IQCE: variants seen among roughly 807,000 people sequenced by gnomAD.
The protein encoded by IQCE is IQ domain-containing protein E.
IQCE carries 115 observed loss-of-function variants against 96.0 expected under a neutral mutation model. The ratio of observed to expected loss-of-function variants is 1.20; its 90% CI spans 1.03 to 1.40. The LOEUF (loss-of-function observed/expected upper bound fraction) is 1.40, where lower values mean the gene tolerates loss of function less well. IQCE is among the 40% of genes most tolerant of loss of function. The pLI, the probability that IQCE is intolerant of heterozygous loss-of-function variation, is 0.00. For missense variants in IQCE, 1,041 were observed against 909.1 expected, an observed-to-expected ratio of 1.15 and a Z score of -1.87; for synonymous variants, 412 against 371.2, an observed-to-expected ratio of 1.11 and a Z score of -1.26.
intron 16 of IQCE, chr7:2,598,231 T>C (rs1403229021): frequency 2.4e-6 from 1 of 417,812 alleles, no homozygotes; most frequent in East Asian, 3.6e-5. Context: ...TAAGGGAGTT[T>C]AATGAGAAGC....
chr7:2,606,522 AGAGAC>A (rs948868010), intron 20 of IQCE, among the ~76,000 whole-genome samples: 5 of 152,098 alleles, frequency 3.3e-5, no homozygotes, highest in Non-Finnish European at 1.5e-5. Flanking sequence ...AGTAAGGGGA[AGAGAC>A]GGCCCCGCTC....
chr7:2,581,008 TA>T (rs1177214646), intron 8 of IQCE, among the ~76,000 whole-genome samples: 2 of 151,300 alleles, frequency 1.3e-5, no homozygotes, highest in Non-Finnish European at 3.0e-5. Context: ...CATGCCCGGC[TA>T]ATTTTTTGTA....
At chr7:2,588,885 C>T (rs1221845600) in intron 13 of IQCE, among the ~76,000 whole-genome samples, 13 of 151,380 alleles carry the variant, frequency 8.6e-5, no homozygotes, top group African/African-American at 2.9e-4. Context: ...AGACTGGTCT[C>T]GAACTCCTGA....
At position 2,604,789 on chromosome 7, in the gene IQCE, C is replaced by T. The variant is rs1047086053; in HGVS notation, c.1633-92C>T. The T allele has an allele frequency of 6.4e-5, 53 of 824,850 alleles. 1 individual carries two copies. The highest frequency in any genetic ancestry group is 3.5e-4 in the African/African-American group (21 of 59,324). The allele number at this position is 824,850 out of a possible 1,614,324, so 51.1% of individuals were successfully genotyped here. On this transcript the variant is annotated intron_variant, in intron 18 of 21. Transcript: ENST00000402050. ...TGAAGGGAGTCACGTTCCCTGCTGC[C>T]GTGGCAGCTCTCTCCTCGGCGCCTC...
rs767616149 is a variant in IQCE, at chr7:2,610,115, G to A, written c.2041G>A (p.Asp681Asn). 7 of 1,613,192 alleles carry A rather than the reference G, an allele frequency of 4.3e-6. No individual in the cohort carries two copies. Among genetic ancestry groups the A allele is most frequent in the South Asian group, 2.2e-5 (2 of 91,074 alleles). The change falls in exon 22 of 22, where the codon GAT becomes AAT. Residue 681 changes from aspartate (D) to asparagine (N), a missense_variant. Coordinates refer to ENST00000402050, the MANE Select transcript of IQCE (RefSeq NM_152558.5). ...TGACGTCAACTCCGATGATTCCGAC[G>A]ATATTGTCATTGCACCGTCTCTGCC... ...GDDVNSDDSD[D>N]IVIAPSLPTK...
In IQCE at chr7:2,559,226, G is replaced by T. The variant is rs1780728860; in HGVS notation, c.36+9G>T. 4.9e-6 allele frequency: 6 copies of T among 1,212,844 alleles called. No individual in the cohort carries two copies. The highest frequency in any genetic ancestry group is 3.3e-5 in the East Asian group (1 of 29,988). The allele number at this position is 1,212,844 out of a possible 1,614,324, so 75.1% of individuals were successfully genotyped here. A position where few individuals can be genotyped will look rare whatever the true frequency, so the allele number is the denominator to read the frequency against. On this transcript the variant is annotated intron_variant, in intron 1 of 21. Coordinates refer to ENST00000402050, the MANE Select transcript of IQCE (RefSeq NM_152558.5). ...AGCCGGCCTTGGACACGGTAAGAACGGGCGAGGGGGCGACGCCGGGCGGGC... is the reference window on the plus strand; with the variant it reads ...AGCCGGCCTTGGACACGGTAAGAACTGGCGAGGGGGCGACGCCGGGCGGGC...
At chr7:2,609,682 AGT>A (rs1253775750) in intron 21 of IQCE, among the ~76,000 whole-genome samples, 1 of 150,740 alleles carries the variant, frequency 6.6e-6, no homozygotes, top group African/African-American at 2.5e-5. Context: ...GAGGCTGGAG[AGT>A]GAGGCTTTCT....
At chr7:2,598,395 G>A in intron 16 of IQCE, 70 bp from the exon 17 acceptor site, 1 of 1,429,276 alleles carries the variant, frequency 7.0e-7, no homozygotes. Flanking sequence ...GTAATATCCT[G>A]TCCCCTTGCC....
At chr7:2,581,778 C>T (rs1446906755) in intron 8 of IQCE, among the ~76,000 whole-genome samples, 2 of 150,400 alleles carry the variant, frequency 1.3e-5, no homozygotes, top group African/African-American at 2.4e-5. Flanking sequence ...GGCGCAATCT[C>T]GGCTCACTGC....
rs1583525123 is a variant in IQCE at position 2,607,209 on chromosome 7, T to C, written c.1951T>C (p.Phe651Leu). 2 of 1,613,306 alleles carry C rather than the reference T, an allele frequency of 1.2e-6. No individual in the cohort carries two copies. Among genetic ancestry groups the C allele is most frequent in the Non-Finnish European group, 8.5e-7 (1 of 1,179,568 alleles). Residue 651 changes from phenylalanine to leucine, a missense_variant, in exon 21 of 22, where the codon TTC becomes CTC. By Grantham distance (22) the Phe-to-Leu change is conservative. Transcript: ENST00000402050. The stretch of plus-strand genomic sequence containing the variant: ...ACACGGGGACGCCTCCTCCCCACCC[T>C]TCCTCGCAGCTCTTCCTGGTAATTT... ...ATHGDASSPP[F>L]LAALPDPSPS... is the part of the protein sequence containing the mutation.
Position 2,568,637 on chromosome 7 carries a change from C to T in IQCE, c.85-317C>T, listed in dbSNP as rs181031766. ...GCGCTGGGCTCCCAGGCTGGCTGTGCGGGCGGTTTGGGTGGGGGCAGATCC... is the reference window on the plus strand; with the variant it reads ...GCGCTGGGCTCCCAGGCTGGCTGTGTGGGCGGTTTGGGTGGGGGCAGATCC... On this transcript the variant is annotated intron_variant, in intron 2 of 21. Coordinates refer to ENST00000402050, the MANE Select transcript of IQCE (RefSeq NM_152558.5). Among the ~76,000 whole-genome samples, 1,362 of 152,334 alleles carry T rather than the reference C, an allele frequency of 8.9e-3. 11 individuals carry two copies. The highest frequency in any genetic ancestry group is 0.015 in the Non-Finnish European group (1,026 of 68,036).
chr7:2,600,259 G>A (rs1018293727), intron 17 of IQCE, among the ~76,000 whole-genome samples: 1 of 152,160 alleles, frequency 6.6e-6, no homozygotes, highest in Non-Finnish European at 1.5e-5. Flanking sequence ...TGATTCACCC[G>A]GGTTTGCTTT....
intron 8 of IQCE, among the ~76,000 whole-genome samples, 167 bp from the exon 9 acceptor site, chr7:2,582,413 A>G (rs555970973): frequency 1.3e-5 from 2 of 152,272 alleles, no homozygotes; most frequent in Admixed American, 6.5e-5. Context: ...GGGACAGGAC[A>G]GCACAGTGGG....
intron 18 of IQCE, among the ~76,000 whole-genome samples, chr7:2,602,753 A>G (rs1291138274): frequency 6.6e-6 from 1 of 152,250 alleles, no homozygotes; most frequent in African/African-American, 2.4e-5. Context: ...GGAGCTTGTA[A>G]CAGACCAGCC....
chr7:2,582,143 C>T lies in IQCE; in HGVS notation c.631-437C>T, dbSNP rs573760293. ...AGGGGAGTGGCTCCTCAGGCCCCTA[C>T]GGCCGCGCTGTCTCCCACCCTCACT... is the stretch of plus-strand genomic sequence containing the variant. On this transcript the variant is annotated intron_variant, in intron 8 of 21. Transcript: ENST00000402050. The T allele has an allele frequency of 1.7e-4, 77 of 449,456 alleles. 1 individual carries two copies. In the East Asian group the frequency reaches 4.5e-3, roughly 26 times the overall value. The allele number at this position is 449,456 out of a possible 1,614,324, so 27.8% of individuals were successfully genotyped here.
intron 6 of IQCE, among the ~76,000 whole-genome samples, chr7:2,576,650 C>T (rs570685432): frequency 5.5e-4 from 84 of 152,258 alleles, no homozygotes; most frequent in African/African-American, 1.7e-3. Context: ...CCACCCACCT[C>T]GGCCTCTTAA....
chr7:2,593,217 C>G lies in IQCE; in HGVS notation c.1349+91C>G, dbSNP rs200840482. The G allele has an allele frequency of 9.1e-4, 1,351 of 1,485,480 alleles. 3 individuals are homozygous for G. The highest frequency in any genetic ancestry group is 1.1e-3 in the Non-Finnish European group (1,256 of 1,109,216). 92.0% of individuals were successfully genotyped at this position (1,485,480 alleles called of 1,614,324 possible). On this transcript the variant is annotated intron_variant, in intron 15 of 21. Coordinates refer to ENST00000402050, the MANE Select transcript of IQCE (RefSeq NM_152558.5). ...CCCCCGTGGCGTCTCAGCCTTGCTG[C>G]CAGCCGGCTTCTTAGAAAGGCCACA...
intron 18 of IQCE, 102 bp from the exon 19 acceptor site, chr7:2,604,779 T>A: frequency 1.3e-6 from 1 of 761,686 alleles, no homozygotes; most frequent in Non-Finnish European, 2.3e-6. Context: ...GGAGTCACGT[T>A]CCCTGCTGCC....
intron 18 of IQCE, among the ~76,000 whole-genome samples, chr7:2,602,872 G>T (rs1264264179): frequency 1.3e-5 from 2 of 152,224 alleles, no homozygotes; most frequent in Non-Finnish European, 2.9e-5. Flanking sequence ...AGCTGCAGTG[G>T]GAGCATGTTG....
Sources: gnomAD v4.1 joint callset for allele counts (sites outside exome capture counted in the v4.1 genomes callset) on GRCh38, gnomAD v4.1.1 for gene constraint, MANE v1.5 for transcripts, NCBI Gene and HGNC (gene_info 2026-07-23, HGNC 2026-07-21) for gene names.